KCNIP1: variants seen among roughly 807,000 people sequenced by gnomAD.
KCNIP1 encodes the protein potassium voltage-gated channel interacting protein 1.
Under a neutral mutation model 33.0 loss-of-function variants are expected in KCNIP1, and 18 were observed. That is an observed-to-expected ratio of 0.55 (90% confidence interval 0.38 to 0.81). The LOEUF is 0.81. Ranked by LOEUF, KCNIP1 falls within the 30% of genes least tolerant of loss-of-function variation. KCNIP1 has a pLI of 0.00. For missense variants in KCNIP1, 238 were observed against 271.6 expected, an observed-to-expected ratio of 0.88 and a Z score of 0.87; for synonymous variants, 93 against 98.3, an observed-to-expected ratio of 0.95 and a Z score of 0.32.
At chr5:170,365,008 C>T (rs1167627630) in intron 1 of KCNIP1, among the ~76,000 whole-genome samples, 1 of 152,218 alleles carries the variant, frequency 6.6e-6, no homozygotes, top group Non-Finnish European at 1.5e-5. Flanking sequence ...ATAGCTGAAA[C>T]TCTATACGCT....
intron 1 of KCNIP1, among the ~76,000 whole-genome samples, chr5:170,358,672 A>C (rs967435268): frequency 6.6e-6 from 1 of 152,068 alleles, no homozygotes; most frequent in Non-Finnish European, 1.5e-5. Context: ...GCAAATCCCA[A>C]CTCTGCTCTT....
intron 1 of KCNIP1, among the ~76,000 whole-genome samples, chr5:170,354,351 G>A (rs1202194047): frequency 6.6e-6 from 1 of 152,228 alleles, no homozygotes; most frequent in Non-Finnish European, 1.5e-5. Flanking sequence ...TGGGTTGTGA[G>A]TAATTCTGCA....
At chr5:170,465,813 T>C (rs955731240) in intron 1 of KCNIP1, among the ~76,000 whole-genome samples, 2 of 152,178 alleles carry the variant, frequency 1.3e-5, no homozygotes, top group South Asian at 2.1e-4. Context: ...CAGAAGAACA[T>C]TCTAGAACAA....
At chr5:170,529,703 CT>C (rs1755714750) in intron 1 of KCNIP1, among the ~76,000 whole-genome samples, 1 of 152,182 alleles carries the variant, frequency 6.6e-6, no homozygotes, top group Admixed American at 6.5e-5. Flanking sequence ...GAGATTGGTT[CT>C]GTTATCTTTA....
chr5:170,654,435 G>A (rs1455437553), intron 1 of KCNIP1, among the ~76,000 whole-genome samples: 1 of 152,188 alleles, frequency 6.6e-6, no homozygotes, highest in Admixed American at 6.5e-5. Flanking sequence ...CAATAAAATT[G>A]TGTCGTACTG....
chr5:170,518,749 A>G lies in KCNIP1; in HGVS notation c.61+14116A>G, dbSNP rs139789659. Among the ~76,000 whole-genome samples, 572 of 152,166 alleles carry G rather than the reference A, an allele frequency of 3.8e-3. 5 individuals are homozygous for G. The highest frequency in any genetic ancestry group is 0.013 in the African/African-American group (539 of 41,520). On this transcript the variant is annotated intron_variant, in intron 1 of 7. Transcript: ENST00000328939. ...TCAGCTTGGCCTGGCCCTTGTACCC[A>G]CCACTTTGCCCTCAGAGGTAGGGTC...
intron 1 of KCNIP1, chr5:170,374,855 T>C (rs1195123976): frequency 6.6e-6 from 1 of 152,184 alleles, no homozygotes; most frequent in Non-Finnish European, 1.5e-5. Flanking sequence ...AGAAGGCCAG[T>C]CTTTATTGAC....
chr5:170,514,920 G>A (rs1262038715), intron 1 of KCNIP1, among the ~76,000 whole-genome samples: 3 of 152,126 alleles, frequency 2.0e-5, no homozygotes, highest in Non-Finnish European at 2.9e-5. Context: ...AAGCGCTTTC[G>A]GTACATTAAG....
chr5:170,441,383 C>T (rs139182837), intron 1 of KCNIP1, among the ~76,000 whole-genome samples: 1 of 152,308 alleles, frequency 6.6e-6, no homozygotes, highest in African/African-American at 2.4e-5. Flanking sequence ...GGCACAGACA[C>T]CTCAGAGCAT....
chr5:170,421,013 G>A (rs1434415406), intron 1 of KCNIP1, among the ~76,000 whole-genome samples: 2 of 152,132 alleles, frequency 1.3e-5, no homozygotes, highest in Non-Finnish European at 2.9e-5. Flanking sequence ...GCCATCTGGT[G>A]GACAGATGTT....
intron 1 of KCNIP1, among the ~76,000 whole-genome samples, chr5:170,550,731 ACTG>A (rs1756596164): frequency 6.6e-6 from 1 of 151,454 alleles, no homozygotes; most frequent in Admixed American, 6.6e-5. Flanking sequence ...TAATGACAGT[ACTG>A]ATGATGATGA....
intron 1 of KCNIP1, among the ~76,000 whole-genome samples, chr5:170,456,519 C>T (rs1164452398): frequency 1.3e-5 from 2 of 151,886 alleles, no homozygotes; most frequent in East Asian, 3.9e-4. Flanking sequence ...ATAAGCTAGA[C>T]TTCTATCTTA....
intron 1 of KCNIP1, chr5:170,385,465 A>G: frequency 6.2e-7 from 1 of 1,614,072 alleles, no homozygotes; most frequent in Non-Finnish European, 8.5e-7. Flanking sequence ...GGGGGCAGTG[A>G]TCATTTCTAG....
chr5:170,571,170 T>C (rs1757392949), intron 1 of KCNIP1, among the ~76,000 whole-genome samples: 1 of 152,206 alleles, frequency 6.6e-6, no homozygotes, highest in Non-Finnish European at 1.5e-5. Context: ...CCTCACTCAC[T>C]TTCCTCCCTC....
chr5:170,732,974 C>T, intron 6 of KCNIP1, 70 bp downstream of exon 6: 1 of 918,618 alleles, frequency 1.1e-6, no homozygotes, highest in African/African-American at 1.6e-5. Context: ...AGCATCTGAG[C>T]AAATGATTTG....
intron 1 of KCNIP1, among the ~76,000 whole-genome samples, chr5:170,488,530 A>G (rs1415774722): frequency 1.3e-5 from 2 of 152,246 alleles, no homozygotes; most frequent in South Asian, 2.1e-4. Context: ...ACACATAATT[A>G]CATATTCATT....
upstream of KCNIP1, among the ~76,000 whole-genome samples, chr5:170,502,537 T>A (rs1278008374): frequency 2.6e-5 from 4 of 152,168 alleles, no homozygotes; most frequent in Non-Finnish European, 5.9e-5. Context: ...GCCTGTGTGT[T>A]TGTGTGTCTC....
intron 1 of KCNIP1, among the ~76,000 whole-genome samples, chr5:170,440,978 T>C (rs1755974837): frequency 6.6e-6 from 1 of 152,178 alleles, no homozygotes. Flanking sequence ...AGCTCCTCCC[T>C]TCCATGTCTC....
chr5:170,702,774 T>C (rs1195814608), intron 1 of KCNIP1, among the ~76,000 whole-genome samples: 1 of 151,996 alleles, frequency 6.6e-6, no homozygotes, highest in East Asian at 1.9e-4. Flanking sequence ...AAATTGCTGA[T>C]TCAATTTCTC....
Sources: allele counts gnomAD v4.1 joint callset (sites outside exome capture counted in the v4.1 genomes callset), GRCh38; gene constraint gnomAD v4.1.1; transcripts MANE v1.5; gene names NCBI Gene and HGNC (gene_info 2026-07-23, HGNC 2026-07-21).